Variants in ROBO1 observed in about 807,000 individuals in gnomAD.
ROBO1 encodes the protein roundabout homolog 1.
A neutral mutation model predicts 195.9 loss-of-function variants in ROBO1; 149 were observed. That is an observed-to-expected ratio of 0.76 (90% CI 0.67 to 0.87). The LOEUF is 0.87. Ranked by LOEUF, ROBO1 falls within the 40% of genes least tolerant of loss-of-function variation. ROBO1 has a pLI of 0.00. For missense variants in ROBO1, 1,933 were observed against 2,068.3 expected, an observed-to-expected ratio of 0.93 and a Z score of 1.27; for synonymous variants, 816 against 733.2, an observed-to-expected ratio of 1.11 and a Z score of -1.82.
intron 4 of ROBO1, among the ~76,000 whole-genome samples, chr3:78,835,901 C>T (rs2032668282): frequency 6.6e-6 from 1 of 152,076 alleles, no homozygotes; most frequent in African/African-American, 2.4e-5. Flanking sequence ...TCCTTAAGCA[C>T]TTAAATGAAA....
chr3:78,717,223 A>T, intron 7 of ROBO1, 52 bp downstream of exon 7: 1 of 1,506,706 alleles, frequency 6.6e-7, no homozygotes. Flanking sequence ...ATGTGATGAG[A>T]AACGTAGAAA....
intron 10 of ROBO1, among the ~76,000 whole-genome samples, chr3:78,681,109 C>T (rs958845995): frequency 2.6e-5 from 4 of 151,730 alleles, no homozygotes; most frequent in African/African-American, 7.3e-5. Flanking sequence ...CGCATGTTCT[C>T]ACTCACAGGT....
intron 2 of ROBO1, among the ~76,000 whole-genome samples, chr3:79,384,607 A>T (rs2036674039): frequency 6.6e-6 from 1 of 152,020 alleles, no homozygotes; most frequent in Admixed American, 6.6e-5. Context: ...TTATTTTCAA[A>T]CAATAAAGTT....
intron 2 of ROBO1, among the ~76,000 whole-genome samples, chr3:79,356,085 A>T (rs2035543636): frequency 6.6e-6 from 1 of 152,200 alleles, no homozygotes; most frequent in African/African-American, 2.4e-5. Context: ...TCACACTTGT[A>T]ATCCCATTAT....
At chr3:79,714,795 C>A (rs1443783259) in intron 1 of ROBO1, among the ~76,000 whole-genome samples, 5 of 142,854 alleles carry the variant, frequency 3.5e-5, no homozygotes, top group Non-Finnish European at 7.5e-5. Flanking sequence ...GGGAATTGAA[C>A]AATGGGAACA....
Position 78,675,940 on chromosome 3 carries a change from T to A in ROBO1, c.1343-5639A>T, listed in dbSNP as rs1708395824. Among the ~76,000 whole-genome samples, 5 of 152,006 alleles carry A rather than the reference T, an allele frequency of 3.3e-5. No homozygotes were observed. The South Asian group carries it at 1.0e-3, about 32-fold the overall frequency. ...GAGGCACCCCCAAGTAGGGGCAGACTGACACCTCACAGGGCCGGGTACTCC... is the reference window on the plus strand; with the variant it reads ...GAGGCACCCCCAAGTAGGGGCAGACAGACACCTCACAGGGCCGGGTACTCC... On this transcript the variant is annotated intron_variant, in intron 10 of 30. Transcript: ENST00000464233.
intron 8 of ROBO1, among the ~76,000 whole-genome samples, chr3:78,711,362 C>T (rs138061832): frequency 0.36 from 23,057 of 63,826 alleles, 3,244 homozygotes; most frequent in East Asian, 0.39. Context: ...TTCCTTCCTT[C>T]CTTCCTTCCT....
chr3:79,430,161 G>T (rs2038618124), intron 2 of ROBO1, among the ~76,000 whole-genome samples: 1 of 151,890 alleles, frequency 6.6e-6, no homozygotes, highest in Admixed American at 6.6e-5. Context: ...AAATCAACTT[G>T]TTAAGGTACT....
In ROBO1 at chr3:79,509,337, T is replaced by G. The variant is rs1039448404; in HGVS notation, c.88+80487A>C. On this transcript the variant is annotated intron_variant, in intron 2 of 30. Coordinates refer to ENST00000464233, the MANE Select transcript of ROBO1 (RefSeq NM_002941.4). ...TTTGCTGTAGTTTAAACACCTCTCT[T>G]TTTAATGTTCCTGCTTATGCTCATT... 3.3e-5 allele frequency among the ~76,000 whole-genome samples: 5 copies of G among 152,168 alleles called. No individual in the cohort carries two copies. In the East Asian group the frequency reaches 9.6e-4, roughly 29 times the overall value.
chr3:79,618,967 A>T (rs1944911809), intron 1 of ROBO1, among the ~76,000 whole-genome samples: 1 of 152,210 alleles, frequency 6.6e-6, no homozygotes, highest in Non-Finnish European at 1.5e-5. Context: ...GAACTCAGGA[A>T]GACAGTCTTC....
chr3:78,922,250 C>T (rs1025361728), intron 4 of ROBO1, among the ~76,000 whole-genome samples: 2 of 152,074 alleles, frequency 1.3e-5, no homozygotes, highest in Admixed American at 6.6e-5. Context: ...ATTCCCTGAC[C>T]CCCAAGTCAT....
At chr3:78,781,534 C>T (rs946623722) in intron 4 of ROBO1, among the ~76,000 whole-genome samples, 5 of 152,080 alleles carry the variant, frequency 3.3e-5, no homozygotes, top group African/African-American at 9.7e-5. Flanking sequence ...TCCTCTAATC[C>T]CTTTAAGTGG....
At position 78,746,764 on chromosome 3, in the gene ROBO1, A is replaced by C; in HGVS notation, c.636T>G (p.Asp212Glu). 7 of 1,555,990 alleles carry C rather than the reference A, an allele frequency of 4.5e-6. No homozygotes were observed. Among genetic ancestry groups the C allele is most frequent in the Non-Finnish European group, 6.1e-6 (7 of 1,143,792 alleles). The change falls in exon 5 of 31, where the codon GAT (aspartate) becomes GAG (glutamate). Residue 212 changes from aspartate to glutamate, a missense_variant. Physicochemically the swap from Asp to Glu is conservative, Grantham distance 45 (BLOSUM62 2). Coordinates refer to ENST00000464233, the MANE Select transcript of ROBO1 (RefSeq NM_002941.4). ...TCACAGTTATTCTTTCATCTTTATC[A>C]TCCAGTGGAGAGCCATCTTTCTTCC... ...ISWKKDGSPL[D>E]DKDERITIRG...
At position 78,637,780 on chromosome 3, in the gene ROBO1, G is replaced by A. The variant is rs574079081; in HGVS notation, c.3038-1672C>T. 3.3e-5 allele frequency among the ~76,000 whole-genome samples: 5 copies of A among 152,228 alleles called. No individual in the cohort carries two copies. The South Asian group carries it at 8.3e-4, about 25-fold the overall frequency. ...GGTCACATGGATACGTCACATCCAC[G>A]TCCAGTGGACACTCAGGATTCGCTT... On this transcript the variant is annotated intron_variant, in intron 22 of 30. Coordinates refer to ENST00000464233, the MANE Select transcript of ROBO1 (RefSeq NM_002941.4).
chr3:79,712,233 G>A (rs1484395381), intron 1 of ROBO1, among the ~76,000 whole-genome samples: 1 of 152,182 alleles, frequency 6.6e-6, no homozygotes, highest in Non-Finnish European at 1.5e-5. Context: ...TGAAAGCTAT[G>A]CCTCTTGTGC....
At chr3:79,019,462 T>C (rs2078050582) in intron 3 of ROBO1, 10 of 986,274 alleles carry the variant, frequency 1.0e-5, no homozygotes, top group Non-Finnish European at 1.2e-5. Flanking sequence ...GCTCAATTGC[T>C]TGTGGGTTTC....
intron 2 of ROBO1, among the ~76,000 whole-genome samples, chr3:79,484,753 A>ATTTTTTTTTTTTTTTT (rs1402757273): frequency 5.1e-4 from 9 of 17,698 alleles, no homozygotes; most frequent in African/African-American, 2.5e-3. Context: ...TCATTGCACT[A>ATTTTTTTTTTTTTTTT]TCTTTTTTTT....
chr3:79,530,710 T>A (rs1941615671), intron 2 of ROBO1, among the ~76,000 whole-genome samples: 1 of 151,064 alleles, frequency 6.6e-6, no homozygotes, highest in Non-Finnish European at 1.5e-5. Flanking sequence ...GTAGCCTGCA[T>A]GATGTTTTTG....
At chr3:79,508,126 A>C (rs56978603) in intron 2 of ROBO1, among the ~76,000 whole-genome samples, 1 of 152,008 alleles carries the variant, frequency 6.6e-6, no homozygotes, top group Non-Finnish European at 1.5e-5. Flanking sequence ...CTTGGGGAGG[A>C]ATAGCATTAG....
Sources: allele counts gnomAD v4.1 joint callset (sites outside exome capture counted in the v4.1 genomes callset), GRCh38; gene constraint gnomAD v4.1.1; transcripts MANE v1.5; gene names NCBI Gene and HGNC (gene_info 2026-07-23, HGNC 2026-07-21).